Variants in SDF2L1 observed in about 807,000 individuals in gnomAD.
SDF2L1 encodes the protein stromal cell derived factor 2 like 1.
Under a neutral mutation model 19.4 loss-of-function variants are expected in SDF2L1, and 18 were observed. That is an observed-to-expected ratio of 0.93 (90% CI 0.64 to 1.38). The LOEUF is 1.38. Ranked by LOEUF, SDF2L1 falls within the 40% of genes most tolerant of loss-of-function variation. SDF2L1 has a pLI of 0.00. For synonymous variants in SDF2L1, 161 were observed against 148.9 expected, an observed-to-expected ratio of 1.08 and a Z score of -0.59; for missense variants, 263 against 319.4, an observed-to-expected ratio of 0.82 and a Z score of 1.35.
At position 21,644,104 on chromosome 22, in the gene SDF2L1, A is replaced by ACGTGGAAGGC; in HGVS notation, c.597_606dup (p.Met203ValfsTer12). 1 of 1,614,114 alleles carries ACGTGGAAGGC rather than the reference A, an allele frequency of 6.2e-7. No homozygotes were observed. Among genetic ancestry groups the ACGTGGAAGGC allele is most frequent in the Non-Finnish European group, 8.5e-7 (1 of 1,180,026 alleles). On this transcript the variant is annotated frameshift_variant, in exon 3 of 3. Transcript: ENST00000248958. LOFTEE classifies it high-confidence loss of function. Reference sequence around the variant, plus strand: ...CATGCCCAGTGCCAACACGCACAATACGTGGAAGGCCATGGAAGGCATCTT... The same window carrying ACGTGGAAGGC: ...CATGCCCAGTGCCAACACGCACAATACGTGGAAGGCCGTGGAAGGCCATGGAAGGCATCTT...
At chr22:21,643,224 A>T in intron 2 of SDF2L1, 166 bp downstream of exon 2, 1 of 841,062 alleles carries the variant, frequency 1.2e-6, no homozygotes, top group Non-Finnish European at 1.8e-6. Context: ...CTCCGCCAGG[A>T]TCCTGCCCTC....
chr22:21,643,072 G>A lies in SDF2L1; in HGVS notation c.384+14G>A, dbSNP rs1282796942. 2.6e-6 allele frequency: 4 copies of A among 1,550,954 alleles called. No individual in the cohort carries two copies. Among genetic ancestry groups the A allele is most frequent in the Non-Finnish European group, 3.5e-6 (4 of 1,147,798 alleles). On this transcript the variant is annotated intron_variant, in intron 2 of 2. Coordinates refer to ENST00000248958, the MANE Select transcript of SDF2L1 (RefSeq NM_022044.3). ...TCCAACAACCAGGTGAGCCCCTCCC[G>A]GAGCCCCCAGAGAGACTCCTGGCCT...
intron 2 of SDF2L1, chr22:21,643,332 G>A (rs999933343): frequency 5.2e-5 from 30 of 573,578 alleles, no homozygotes; most frequent in Non-Finnish European, 8.3e-5. Context: ...CCCAGGAGGG[G>A]AATCCACACA....
chr22:21,642,502 CACG>C lies in SDF2L1; in HGVS notation c.169_171del (p.Asp57del), dbSNP rs2066086829. 1.3e-6 allele frequency: 2 copies of C among 1,518,464 alleles called. No homozygotes were observed. Among genetic ancestry groups the C allele is most frequent in the African/African-American group, 2.8e-5 (2 of 70,466 alleles). The allele number at this position is 1,518,464 out of a possible 1,614,324, so 94.1% of individuals were successfully genotyped here. A position where few individuals can be genotyped will look rare whatever the true frequency, so the allele number is the denominator to read the frequency against. On this transcript the variant is annotated inframe_deletion, in exon 1 of 3. Transcript: ENST00000248958. ...GCACCACCGCGTGCGGCTGCACTCG[CACG>C]ACATCAAATACGGATCCGGTGCGTG...
Position 21,643,965 on chromosome 22 carries a change from G to A in SDF2L1, c.456G>A (p.Gln152=). ...TATGGACAGTGCGCTGCTCTGGACA[G>A]CACTGGGAGCGTGAGGCTGCTGTGC... ...LDLWTVRCSG[Q]HWEREAAVRF... is the part of the protein sequence containing the mutation. Residue 152 remains glutamine (Q), a synonymous_variant, in exon 3 of 3, where the codon CAG becomes CAA. Coordinates refer to ENST00000248958, the MANE Select transcript of SDF2L1 (RefSeq NM_022044.3). 1 of 1,614,156 alleles carries A rather than the reference G, an allele frequency of 6.2e-7. No individual in the cohort carries two copies. Among genetic ancestry groups the A allele is most frequent in the Non-Finnish European group, 8.5e-7 (1 of 1,180,032 alleles).
At position 21,642,945 on chromosome 22, in the gene SDF2L1, G is replaced by A. The variant is rs1216450596; in HGVS notation, c.271G>A (p.Gly91Arg). The change falls in exon 2 of 3, where the codon GGG becomes AGG. Residue 91 changes from glycine (G) to arginine (R), a missense_variant. Gly to Arg is a moderately radical substitution (Grantham distance 125). Coordinates refer to ENST00000248958, the MANE Select transcript of SDF2L1 (RefSeq NM_022044.3). Reference protein sequence around the residue: ...YWRIRGGSEGGCPRGSPVRCG... With the variant: ...YWRIRGGSEGRCPRGSPVRCG... ...GCGGATCCGCGGCGGCTCGGAGGGC[G>A]GGTGCCCGCGCGGGTCCCCGGTGCG... is the stretch of plus-strand genomic sequence containing the variant. The A allele has an allele frequency of 6.3e-7, 1 of 1,574,846 alleles. No individual in the cohort carries two copies. The highest frequency in any genetic ancestry group is 8.6e-7 in the Non-Finnish European group (1 of 1,162,258).
At position 21,642,949 on chromosome 22, in the gene SDF2L1, G is replaced by GCCCGCGCGGGTC. The variant is rs1389203917; in HGVS notation, c.280_291dup (p.Arg94_Pro97dup). On this transcript the variant is annotated inframe_insertion, in exon 2 of 3. Transcript: ENST00000248958. ...ATCCGCGGCGGCTCGGAGGGCGGGT[G>GCCCGCGCGGGTC]CCCGCGCGGGTCCCCGGTGCGCTGC... is the stretch of plus-strand genomic sequence containing the variant. The GCCCGCGCGGGTC allele has an allele frequency of 3.2e-6, 5 of 1,572,912 alleles. No homozygotes were observed. The highest frequency in any genetic ancestry group is 4.3e-6 in the Non-Finnish European group (5 of 1,161,264).
Position 21,643,253 on chromosome 22 carries a change from A to T in SDF2L1, c.384+195A>T, listed in dbSNP as rs533782042. The T allele has an allele frequency of 1.2e-4, 76 of 656,502 alleles. 1 individual carries two copies. In the South Asian group the frequency reaches 1.3e-3, roughly 12 times the overall value. 40.7% of individuals were successfully genotyped at this position (656,502 alleles called of 1,614,324 possible). ...TGCCCTCAGGTGCTCCCGGCCCGGC[A>T]GGGAGAACGACGGGAGAGAGATCCG... On this transcript the variant is annotated intron_variant, in intron 2 of 2. Transcript: ENST00000248958.
chr22:21,644,136 G>T lies in SDF2L1; in HGVS notation c.627G>T (p.Lys209Asn). 1 of 1,614,184 alleles carries T rather than the reference G, an allele frequency of 6.2e-7. No individual in the cohort carries two copies. The highest frequency in any genetic ancestry group is 8.5e-7 in the Non-Finnish European group (1 of 1,180,040). The stretch of plus-strand genomic sequence containing the variant: ...AGGCCATGGAAGGCATCTTCATCAA[G>T]CCTAGTGTGGAGCCCTCTGCAGGTC... The part of the protein sequence containing the change: ...TWKAMEGIFI[K>N]PSVEPSAGHD... The change falls in exon 3 of 3, where the codon AAG (lysine) becomes AAT (asparagine). Residue 209 changes from lysine (K) to asparagine (N), a missense_variant. Transcript: ENST00000248958.
Position 21,642,981 on chromosome 22 carries a change from G to A in SDF2L1, c.307G>A (p.Ala103Thr), listed in dbSNP as rs779583215. ...PRGSPVRCGQAVRLTHVLTGK... is the reference protein window; with the variant it reads ...PRGSPVRCGQTVRLTHVLTGK... ...CGGGTCCCCGGTGCGCTGCGGGCAGGCGGTGAGGCTCACGCATGTGCTTAC... is the reference window on the plus strand; with the variant it reads ...CGGGTCCCCGGTGCGCTGCGGGCAGACGGTGAGGCTCACGCATGTGCTTAC... Residue 103 changes from alanine (A) to threonine (T), a missense_variant, in exon 2 of 3, where the codon GCG (alanine) becomes ACG (threonine). Ala to Thr is a moderately conservative substitution (Grantham distance 58). Around this residue, in one of 3 missense-constraint regions of SDF2L1, gnomAD observed 203 missense variants for 256.9 expected, o/e 0.79. Transcript: ENST00000248958. 6.4e-7 allele frequency: 1 copy of A among 1,567,860 alleles called. No individual in the cohort carries two copies.
chr22:21,643,723 C>T (rs76690447), intron 2 of SDF2L1, among the ~76,000 whole-genome samples, 171 bp from the exon 3 acceptor site: 112 of 152,178 alleles, frequency 7.4e-4, no homozygotes, highest in African/African-American at 2.5e-3. Flanking sequence ...CTGAAGAGCC[C>T]ATGCTGGGGA....
At chr22:21,643,219 C>T (rs923309118) in intron 2 of SDF2L1, 161 bp downstream of exon 2, 1 of 870,486 alleles carries the variant, frequency 1.1e-6, no homozygotes, top group Admixed American at 2.9e-5. Context: ...AGTAACTCCG[C>T]CAGGATCCTG....
chr22:21,643,335 T>G, intron 2 of SDF2L1: 2 of 569,694 alleles, frequency 3.5e-6, no homozygotes, highest in Non-Finnish European at 6.2e-6. Context: ...AGGAGGGGAA[T>G]CCACACAGCC....
chr22:21,643,065 C>G lies in SDF2L1; in HGVS notation c.384+7C>G. The G allele has an allele frequency of 6.4e-7, 1 of 1,552,270 alleles. No individual in the cohort carries two copies. Among genetic ancestry groups the G allele is most frequent in the Non-Finnish European group, 8.7e-7 (1 of 1,148,474 alleles). ...GCCGCTGTCCAACAACCAGGTGAGC[C>G]CCTCCCGGAGCCCCCAGAGAGACTC... On this transcript the variant is annotated splice_region_variant and intron_variant, in intron 2 of 2. Coordinates refer to ENST00000248958, the MANE Select transcript of SDF2L1 (RefSeq NM_022044.3).
rs776797722 is a variant in SDF2L1, at chr22:21,643,006, C to T, written c.332C>T (p.Thr111Met). 4.5e-6 allele frequency: 7 copies of T among 1,563,736 alleles called. No individual in the cohort carries two copies. Among genetic ancestry groups the T allele is most frequent in the Non-Finnish European group, 6.1e-6 (7 of 1,155,132 alleles). ...GQAVRLTHVL[T>M]GKNLHTHHFP... ...GCGGTGAGGCTCACGCATGTGCTTA[C>T]GGGCAAGAACCTGCACACGCACCAC... Residue 111 changes from threonine (T) to methionine (M), a missense_variant, in exon 2 of 3, where the codon ACG becomes ATG. Thr to Met is a moderately conservative substitution (Grantham distance 81, BLOSUM62 -1). Coordinates refer to ENST00000248958, the MANE Select transcript of SDF2L1 (RefSeq NM_022044.3).
rs2066105493 is a variant in SDF2L1 at position 21,644,256 on chromosome 22, G to A, written c.*81G>A. 1 of 1,480,852 alleles carries A rather than the reference G, an allele frequency of 6.8e-7. No homozygotes were observed. Among genetic ancestry groups the A allele is most frequent in the Admixed American group, 1.7e-5 (1 of 57,956 alleles). The allele number at this position is 1,480,852 out of a possible 1,614,324, so 91.7% of individuals were successfully genotyped here. A position where few individuals can be genotyped will look rare whatever the true frequency, so the allele number is the denominator to read the frequency against. On this transcript the variant is annotated 3_prime_UTR_variant, in exon 3 of 3. Coordinates refer to ENST00000248958, the MANE Select transcript of SDF2L1 (RefSeq NM_022044.3). ...TCTTGGCAGAGACTTTGGGTTTGTA[G>A]GGGTCCTCAAGTGCCTTTGTGATTA...
In SDF2L1 at chr22:21,642,917, C is replaced by T; in HGVS notation, c.243C>T (p.Tyr81=). 1 of 1,589,936 alleles carries T rather than the reference C, an allele frequency of 6.3e-7. No individual in the cohort carries two copies. The highest frequency in any genetic ancestry group is 1.1e-5 in the South Asian group (1 of 88,290). Reference sequence around the variant, plus strand: ...AGGCGTCGGACGACGCCAATAGCTACTGGCGGATCCGCGGCGGCTCGGAGG... The same window carrying T: ...AGGCGTCGGACGACGCCAATAGCTATTGGCGGATCCGCGGCGGCTCGGAGG... ...GVEASDDANS[Y]WRIRGGSEGG... is the part of the protein sequence containing the mutation. Residue 81 remains tyrosine, a synonymous_variant, in exon 2 of 3, where the codon TAC becomes TAT. Coordinates refer to ENST00000248958, the MANE Select transcript of SDF2L1 (RefSeq NM_022044.3).
chr22:21,643,046 G>A lies in SDF2L1; in HGVS notation c.372G>A (p.Leu124=), dbSNP rs1472313243. The A allele has an allele frequency of 1.5e-5, 24 of 1,555,188 alleles. No individual in the cohort carries two copies. The highest frequency in any genetic ancestry group is 2.0e-5 in the Non-Finnish European group (23 of 1,150,102). The part of the protein sequence containing the change: ...NLHTHHFPSP[L]SNNQEVSAFG... ...ACACGCACCACTTCCCGTCGCCGCTGTCCAACAACCAGGTGAGCCCCTCCC... is the reference window on the plus strand; with the variant it reads ...ACACGCACCACTTCCCGTCGCCGCTATCCAACAACCAGGTGAGCCCCTCCC... Residue 124 remains leucine, a synonymous_variant, in exon 2 of 3, where the codon CTG becomes CTA. Transcript: ENST00000248958.
intron 2 of SDF2L1, among the ~76,000 whole-genome samples, chr22:21,643,526 C>A (rs192397471): frequency 6.6e-6 from 1 of 152,220 alleles, no homozygotes; most frequent in Non-Finnish European, 1.5e-5. Flanking sequence ...CAGTGGGTGC[C>A]CTTGGGGAGC....
Sources: gnomAD v4.1 joint callset for allele counts (sites outside exome capture counted in the v4.1 genomes callset) on GRCh38, gnomAD v4.1.1 for gene constraint, gnomAD v4.1.1 regional missense constraint, MANE v1.5 for transcripts, NCBI Gene and HGNC (gene_info 2026-07-23, HGNC 2026-07-21) for gene names.